CFAP20DC: variants seen among roughly 807,000 people sequenced by gnomAD.
The protein encoded by CFAP20DC is CFAP20 domain containing.
A neutral mutation model predicts 101.7 loss-of-function variants in CFAP20DC; 84 were observed. The observed-to-expected ratio is 0.83, with a 90% CI of 0.69 to 0.99. The LOEUF is 0.99. CFAP20DC is among the 50% of genes least tolerant of loss of function. The pLI is 0.00. For synonymous variants in CFAP20DC, 359 were observed against 351.2 expected, an observed-to-expected ratio of 1.02 and a Z score of -0.25; for missense variants, 1,007 against 970.3, an observed-to-expected ratio of 1.04 and a Z score of -0.50.
At position 58,985,437 on chromosome 3, in the gene CFAP20DC, A is replaced by G. The variant is rs950879973; in HGVS notation, c.279-47675T>C. Among the ~76,000 whole-genome samples the G allele has an allele frequency of 7.9e-5, 12 of 152,222 alleles. No individual in the cohort carries two copies. The South Asian group carries it at 8.3e-4, about 11-fold the overall frequency. ...TTTTTTTTTCTCAGCAACTTAACAC[A>G]TCTTTAGAAAAATAACCAGCAATGT... On this transcript the variant is annotated intron_variant, in intron 4 of 16. Coordinates refer to ENST00000482387, the MANE Select transcript of CFAP20DC (RefSeq NM_001394063.1).
chr3:58,762,395 T>A (rs908166970), intron 15 of CFAP20DC, among the ~76,000 whole-genome samples: 1 of 152,176 alleles, frequency 6.6e-6, no homozygotes. Context: ...GCTTGGTAGA[T>A]CTCCCTCCAT....
intron 15 of CFAP20DC, among the ~76,000 whole-genome samples, chr3:58,772,652 A>T (rs1287508282): frequency 6.6e-6 from 1 of 152,232 alleles, no homozygotes; most frequent in Non-Finnish European, 1.5e-5. Context: ...CACTGTCTAC[A>T]GCAACAAAGA....
chr3:58,816,085 C>G (rs1559636414), intron 14 of CFAP20DC, among the ~76,000 whole-genome samples: 1 of 151,744 alleles, frequency 6.6e-6, no homozygotes, highest in Non-Finnish European at 1.5e-5. Context: ...GCATTATTCA[C>G]AATAGCAAAG....
intron 12 of CFAP20DC, among the ~76,000 whole-genome samples, chr3:58,855,430 G>C (rs997742863): frequency 9.9e-5 from 15 of 152,212 alleles, no homozygotes; most frequent in South Asian, 4.1e-4. Flanking sequence ...TCAGTGTGGC[G>C]ATTCCTCAGG....
chr3:58,797,698 A>G (rs2073360870), intron 15 of CFAP20DC, among the ~76,000 whole-genome samples: 1 of 152,232 alleles, frequency 6.6e-6, no homozygotes, highest in African/African-American at 2.4e-5. Flanking sequence ...TAGGACTTCC[A>G]TTACTAGAGG....
At chr3:58,796,844 T>G (rs920302820) in intron 15 of CFAP20DC, among the ~76,000 whole-genome samples, 1 of 152,208 alleles carries the variant, frequency 6.6e-6, no homozygotes, top group African/African-American at 2.4e-5. Context: ...TCTCTAAATA[T>G]TTCAAATTTT....
intron 3 of CFAP20DC, among the ~76,000 whole-genome samples, chr3:58,736,959 A>G (rs1397450355): frequency 1.3e-5 from 2 of 152,212 alleles, no homozygotes; most frequent in East Asian, 3.8e-4. Flanking sequence ...AAAACCACGC[A>G]AACCAGAACC....
At chr3:58,951,879 C>T (rs1488112851) in intron 4 of CFAP20DC, among the ~76,000 whole-genome samples, 1 of 152,078 alleles carries the variant, frequency 6.6e-6, no homozygotes, top group African/African-American at 2.4e-5. Flanking sequence ...GCACGTTGTG[C>T]ACATGTACCC....
Position 58,905,942 on chromosome 3 carries a change from T to G in CFAP20DC, c.550+7766A>C, listed in dbSNP as rs148830980. On this transcript the variant is annotated intron_variant, in intron 6 of 16. Coordinates refer to ENST00000482387, the MANE Select transcript of CFAP20DC (RefSeq NM_001394063.1). ...AATCTGTCTCTCTTCTACCAGCACATGAGAAGCAGCAAACTGAAATAATTA... is the reference window on the plus strand; with the variant it reads ...AATCTGTCTCTCTTCTACCAGCACAGGAGAAGCAGCAAACTGAAATAATTA... 3.1e-3 allele frequency among the ~76,000 whole-genome samples: 470 copies of G among 152,298 alleles called. 1 individual carries two copies. Among genetic ancestry groups the G allele is most frequent in the Non-Finnish European group, 4.7e-3 (317 of 68,026 alleles).
intron 6 of CFAP20DC, among the ~76,000 whole-genome samples, chr3:58,903,532 C>T (rs1224471459): frequency 2.6e-5 from 4 of 152,170 alleles, no homozygotes; most frequent in African/African-American, 9.7e-5. Flanking sequence ...AATTGACTCA[C>T]AGTTCTGCAT....
intron 13 of CFAP20DC, among the ~76,000 whole-genome samples, chr3:58,835,626 C>T (rs1276990010): frequency 1.3e-5 from 2 of 152,176 alleles, no homozygotes; most frequent in African/African-American, 4.8e-5. Context: ...ATTCTGACAA[C>T]ACCCTGGAAG....
intron 14 of CFAP20DC, among the ~76,000 whole-genome samples, chr3:58,809,538 G>A (rs1254699062): frequency 6.6e-6 from 1 of 151,958 alleles, no homozygotes; most frequent in African/African-American, 2.4e-5. Flanking sequence ...GAATCTCTGG[G>A]ACGCATTCAA....
At position 58,967,717 on chromosome 3, in the gene CFAP20DC, T is replaced by G. The variant is rs1173810415; in HGVS notation, c.279-29955A>C. On this transcript the variant is annotated intron_variant, in intron 4 of 16. Coordinates refer to ENST00000482387, the MANE Select transcript of CFAP20DC (RefSeq NM_001394063.1). ...AATAATTTATTTTTAATTTTTGAAC[T>G]TCTATTTTAGGTTTAGGGGTACATG... is the stretch of plus-strand genomic sequence containing the variant. 4.6e-5 allele frequency among the ~76,000 whole-genome samples: 7 copies of G among 152,190 alleles called. No individual in the cohort carries two copies. In the South Asian group the frequency reaches 1.0e-3, roughly 22 times the overall value.
chr3:58,726,929 C>T (rs1034939672), intron 3 of CFAP20DC: 15 of 244,090 alleles, frequency 6.1e-5, no homozygotes, highest in Non-Finnish European at 1.1e-4. Context: ...AGCGACCCAT[C>T]CCTTCCACTC....
At chr3:58,792,435 G>T (rs555868152) in intron 15 of CFAP20DC, among the ~76,000 whole-genome samples, 1 of 152,108 alleles carries the variant, frequency 6.6e-6, no homozygotes, top group South Asian at 2.1e-4. Flanking sequence ...TGAATATTAA[G>T]ATATTAGAAT....
At chr3:58,806,572 A>T in intron 14 of CFAP20DC, 116 bp from the exon 15 acceptor site, 3,657 of 588,074 alleles carry the variant, frequency 6.2e-3, no homozygotes, top group East Asian at 0.012. Flanking sequence ...CAAGAAGGGT[A>T]TGGGTGGGAG....
chr3:58,864,174 G>A lies in CFAP20DC; in HGVS notation c.1259-282C>T, dbSNP rs1254937268. Among the ~76,000 whole-genome samples the A allele has an allele frequency of 2.0e-5, 3 of 152,066 alleles. No individual in the cohort carries two copies. The highest frequency in any genetic ancestry group is 2.9e-5 in the Non-Finnish European group (2 of 68,020). ...GGGTTTCACCATGTTGGTCAGGCTG[G>A]TCTTGAACTCCTGACTTCATGATCT... On this transcript the variant is annotated intron_variant, in intron 11 of 16. Coordinates refer to ENST00000482387, the MANE Select transcript of CFAP20DC (RefSeq NM_001394063.1). This position sits in a 1 kb window ranked among gnomAD's most constrained non-coding sequence, Gnocchi z 4.7.
intron 14 of CFAP20DC, among the ~76,000 whole-genome samples, chr3:58,819,286 A>C (rs1387856255): frequency 6.6e-6 from 1 of 152,202 alleles, no homozygotes; most frequent in Non-Finnish European, 1.5e-5. Context: ...AGAGATAACT[A>C]ACATAAGAGC....
intron 4 of CFAP20DC, among the ~76,000 whole-genome samples, chr3:58,991,092 A>G (rs2092922510): frequency 6.6e-6 from 1 of 152,212 alleles, no homozygotes; most frequent in Non-Finnish European, 1.5e-5. Flanking sequence ...AACATTAAAA[A>G]TATCTTTTCT....
Sources: gnomAD v4.1 joint callset for allele counts (sites outside exome capture counted in the v4.1 genomes callset) on GRCh38, gnomAD v4.1.1 for gene constraint, Gnocchi (gnomAD v3.1) non-coding constraint, MANE v1.5 for transcripts, NCBI Gene and HGNC (gene_info 2026-07-23, HGNC 2026-07-21) for gene names.